The following BABAM2 variants were observed in gnomAD, a reference collection of about 807,000 sequenced individuals.
BABAM2 encodes the protein BRISC and BRCA1-A complex member 2.
BABAM2 carries 31 observed loss-of-function variants against 54.7 expected under a neutral mutation model. The observed-to-expected ratio is 0.57, with a 90% CI of 0.43 to 0.77. BABAM2 has a LOEUF of 0.77. BABAM2 is among the 30% of genes least tolerant of loss of function. The pLI, the probability that BABAM2 is intolerant of heterozygous loss-of-function variation, is 0.00. For synonymous variants in BABAM2, 167 were observed against 162.9 expected (o/e 1.03, Z -0.19); for missense variants, 364 against 455.8 (o/e 0.80, Z 1.83).
intron 7 of BABAM2, among the ~76,000 whole-genome samples, chr2:28,167,413 G>A (rs374792196): frequency 3.9e-5 from 6 of 152,142 alleles, no homozygotes; most frequent in Middle Eastern, 3.4e-3. Context: ...TGCCGTTTGC[G>A]CTGGGAGCAG....
intron 10 of BABAM2, among the ~76,000 whole-genome samples, chr2:28,270,915 T>C (rs1054166968): frequency 3.3e-5 from 5 of 152,260 alleles, no homozygotes; most frequent in African/African-American, 1.2e-4. Context: ...CACAGTGATG[T>C]AATGCTAGTG....
intron 9 of BABAM2, among the ~76,000 whole-genome samples, chr2:28,243,773 A>G (rs1682667397): frequency 6.6e-6 from 1 of 152,184 alleles, no homozygotes; most frequent in African/African-American, 2.4e-5. Flanking sequence ...TCTGAATGAT[A>G]TACCAACCAT....
At chr2:27,937,658 A>G (rs1241148854) in intron 3 of BABAM2, among the ~76,000 whole-genome samples, 1 of 151,992 alleles carries the variant, frequency 6.6e-6, no homozygotes, top group African/African-American at 2.4e-5. Context: ...TTTTAATTGG[A>G]TTATTTTCTT....
intron 7 of BABAM2, among the ~76,000 whole-genome samples, chr2:28,159,287 G>A (rs766698831): frequency 4.6e-5 from 7 of 152,170 alleles, no homozygotes; most frequent in Non-Finnish European, 1.0e-4. Context: ...TACTGGCAGA[G>A]TCAGGCACAG....
At chr2:28,338,069 A>G (rs1691622605) in intron 11 of BABAM2, among the ~76,000 whole-genome samples, 1 of 152,176 alleles carries the variant, frequency 6.6e-6, no homozygotes, top group Non-Finnish European at 1.5e-5. Flanking sequence ...GGAAAATGCA[A>G]CCTTCCTGAT....
chr2:28,180,800 G>T (rs1278375934), intron 7 of BABAM2, among the ~76,000 whole-genome samples: 11 of 152,068 alleles, frequency 7.2e-5, no homozygotes, highest in Non-Finnish European at 1.5e-5. Flanking sequence ...AGTGGGCAAA[G>T]ACATGAATGT....
chr2:28,028,388 C>T (rs1400414291), intron 5 of BABAM2, among the ~76,000 whole-genome samples: 1 of 151,924 alleles, frequency 6.6e-6, no homozygotes, highest in Non-Finnish European at 1.5e-5. Context: ...CCTCCCAACA[C>T]ACCTACACCC....
chr2:28,082,701 G>C (rs1332310046), intron 6 of BABAM2, among the ~76,000 whole-genome samples: 2 of 152,100 alleles, frequency 1.3e-5, no homozygotes, highest in Non-Finnish European at 2.9e-5. Flanking sequence ...TTTACTAGTA[G>C]ACTCTATGCT....
chr2:28,094,678 T>C (rs995694648), intron 6 of BABAM2, among the ~76,000 whole-genome samples: 3 of 152,104 alleles, frequency 2.0e-5, no homozygotes, highest in African/African-American at 7.2e-5. Context: ...CTCACTCCCA[T>C]CCCATGTCTT....
intron 11 of BABAM2, among the ~76,000 whole-genome samples, chr2:28,298,926 G>A (rs1214784420): frequency 6.6e-6 from 1 of 151,920 alleles, no homozygotes; most frequent in Non-Finnish European, 1.5e-5. Context: ...TCGAGTTGTG[G>A]GTAAATGGCA....
At chr2:28,324,840 T>A (rs1012526483) in intron 11 of BABAM2, among the ~76,000 whole-genome samples, 1 of 152,108 alleles carries the variant, frequency 6.6e-6, no homozygotes, top group Non-Finnish European at 1.5e-5. Flanking sequence ...ACTTTCCATC[T>A]CTGATCGTAG....
chr2:28,176,056 A>C (rs1464308706), intron 7 of BABAM2, among the ~76,000 whole-genome samples: 6 of 152,250 alleles, frequency 3.9e-5, no homozygotes, highest in African/African-American at 1.4e-4. Flanking sequence ...CTAACACCAT[A>C]CATACATCTT....
chr2:27,993,995 G>A (rs752486141), intron 4 of BABAM2, among the ~76,000 whole-genome samples: 39 of 152,230 alleles, frequency 2.6e-4, no homozygotes, highest in Non-Finnish European at 5.1e-4. Context: ...GATGGATGGT[G>A]CTCGATGCCT....
chr2:28,067,093 G>A (rs547502169), intron 6 of BABAM2, among the ~76,000 whole-genome samples: 17 of 152,214 alleles, frequency 1.1e-4, no homozygotes, highest in African/African-American at 3.1e-4. Flanking sequence ...CACCACGCCC[G>A]GCTAATTTTT....
rs1358253000 is a variant in BABAM2, at chr2:27,921,059, G to A, written c.129-8773G>A. ...ATAGTGAAACCTTAACATTTGAGTCGGATCTCAGTAACTAGGAACAAATGA... is the reference window on the plus strand; with the variant it reads ...ATAGTGAAACCTTAACATTTGAGTCAGATCTCAGTAACTAGGAACAAATGA... On this transcript the variant is annotated intron_variant, in intron 2 of 11. Transcript: ENST00000379624. Among the ~76,000 whole-genome samples the A allele has an allele frequency of 6.6e-5, 10 of 151,946 alleles. No homozygotes were observed. In the East Asian group the frequency reaches 1.9e-3, roughly 29 times the overall value.
intron 10 of BABAM2, among the ~76,000 whole-genome samples, chr2:28,270,751 A>G (rs1215131401): frequency 6.6e-6 from 1 of 152,194 alleles, no homozygotes; most frequent in Non-Finnish European, 1.5e-5. Flanking sequence ...AAACACTGCA[A>G]CATAAAAGTC....
intron 2 of BABAM2, among the ~76,000 whole-genome samples, chr2:27,895,472 T>A (rs973733944): frequency 2.6e-5 from 4 of 152,234 alleles, no homozygotes; most frequent in African/African-American, 7.2e-5. Flanking sequence ...AATATGTTTT[T>A]TTCCCAAGTG....
chr2:28,207,752 A>T (rs1247557093), intron 7 of BABAM2, among the ~76,000 whole-genome samples: 1 of 152,202 alleles, frequency 6.6e-6, no homozygotes, highest in Non-Finnish European at 1.5e-5. Context: ...TTATTTCTGG[A>T]TACCTCCAAA....
At chr2:28,106,245 CT>C (rs901467298) in intron 6 of BABAM2, among the ~76,000 whole-genome samples, 5 of 152,090 alleles carry the variant, frequency 3.3e-5, no homozygotes, top group Non-Finnish European at 7.4e-5. Flanking sequence ...CCAATGATTT[CT>C]TTGTAGCAGA....
Sources: gnomAD v4.1 joint callset for allele counts (sites outside exome capture counted in the v4.1 genomes callset) on GRCh38, gnomAD v4.1.1 for gene constraint, MANE v1.5 for transcripts, NCBI Gene and HGNC (gene_info 2026-07-23, HGNC 2026-07-21) for gene names.